Variants in VTI1A observed in about 807,000 individuals in gnomAD.
The protein encoded by VTI1A is vesicle transport through interaction with t-SNAREs homolog 1A.
VTI1A carries 22 observed loss-of-function variants against 34.9 expected under a neutral mutation model. The ratio of observed to expected loss-of-function variants is 0.63; its 90% CI spans 0.45 to 0.90. VTI1A has a LOEUF of 0.90. Among genes scored for constraint, VTI1A ranks in the 40% least tolerant of loss-of-function variants. The pLI, the probability that VTI1A is intolerant of heterozygous loss-of-function variation, is 0.00. For missense variants in VTI1A, 268 were observed against 275.6 expected (o/e 0.97, Z 0.20); for synonymous variants, 87 against 97.3 (o/e 0.89, Z 0.62).
intron 5 of VTI1A, among the ~76,000 whole-genome samples, chr10:112,540,125 T>C (rs58575880): frequency 0.17 from 26,423 of 152,090 alleles, 3,208 homozygotes; most frequent in African/African-American, 0.34. Flanking sequence ...TACATACTTG[T>C]GTGTCTTTTT....
intron 3 of VTI1A, among the ~76,000 whole-genome samples, chr10:112,472,198 C>T (rs540543778): frequency 8.5e-5 from 13 of 152,258 alleles, no homozygotes; most frequent in Middle Eastern, 3.4e-3. Context: ...CTTTCTAGCC[C>T]CAGTCTCAAG....
At chr10:112,724,665 C>T (rs1849940426) in intron 7 of VTI1A, among the ~76,000 whole-genome samples, 2 of 151,876 alleles carry the variant, frequency 1.3e-5, no homozygotes, top group Non-Finnish European at 2.9e-5. Flanking sequence ...GACCCCAGAG[C>T]TGGGGCAAGT....
the VTI1A span, among the ~76,000 whole-genome samples, chr10:112,850,476 C>T: frequency 1.3e-5 from 2 of 152,062 alleles, no homozygotes; most frequent in African/African-American, 4.8e-5. Context: ...CCACCTGACA[C>T]CCCATTCACT....
intron 7 of VTI1A, among the ~76,000 whole-genome samples, chr10:112,680,135 A>G (rs1848165774): frequency 6.6e-6 from 1 of 152,214 alleles, no homozygotes; most frequent in African/African-American, 2.4e-5. Flanking sequence ...ATTGACCTAC[A>G]AGGAACACTT....
At chr10:112,549,875 GA>G (rs1851282131) in intron 5 of VTI1A, among the ~76,000 whole-genome samples, 1 of 152,122 alleles carries the variant, frequency 6.6e-6, no homozygotes, top group South Asian at 2.1e-4. Context: ...ATTCTTTTCT[GA>G]AAAGAATTGA....
At chr10:112,686,154 G>T (rs1424845227) in intron 7 of VTI1A, among the ~76,000 whole-genome samples, 2 of 152,184 alleles carry the variant, frequency 1.3e-5, no homozygotes, top group Non-Finnish European at 2.9e-5. Context: ...TTATAAGAGA[G>T]ATTGCATCTT....
chr10:112,702,001 G>A (rs1376628335), intron 7 of VTI1A, among the ~76,000 whole-genome samples: 2 of 152,116 alleles, frequency 1.3e-5, no homozygotes, highest in Non-Finnish European at 2.9e-5. Flanking sequence ...CTGTGTGAGA[G>A]TTTTCATTTC....
chr10:112,627,427 C>A (rs763187020), intron 5 of VTI1A, among the ~76,000 whole-genome samples: 4 of 152,054 alleles, frequency 2.6e-5, no homozygotes, highest in African/African-American at 4.8e-5. Flanking sequence ...TTTATCATAC[C>A]TTAATTCATC....
At chr10:112,706,330 T>G (rs1298864146) in intron 7 of VTI1A, among the ~76,000 whole-genome samples, 1 of 152,228 alleles carries the variant, frequency 6.6e-6, no homozygotes, top group Non-Finnish European at 1.5e-5. Context: ...GTTTAATTAC[T>G]CTTCAGCTAC....
At chr10:112,756,776 A>G (rs1851295632) in intron 7 of VTI1A, among the ~76,000 whole-genome samples, 1 of 152,158 alleles carries the variant, frequency 6.6e-6, no homozygotes, top group African/African-American at 2.4e-5. Context: ...GGCTGGGCAC[A>G]GTGGCTCACA....
At position 112,552,407 on chromosome 10, in the gene VTI1A, A is replaced by G. The variant is rs181502624; in HGVS notation, c.427+14077A>G. On this transcript the variant is annotated intron_variant, in intron 5 of 7. Transcript: ENST00000393077. ...AATACTCTGTGCAGATCTGTTGATGATTAGGACCTGTTCATTTGAAACCAA... is the reference window on the plus strand; with the variant it reads ...AATACTCTGTGCAGATCTGTTGATGGTTAGGACCTGTTCATTTGAAACCAA... Among the ~76,000 whole-genome samples, 3 of 152,230 alleles carry G rather than the reference A, an allele frequency of 2.0e-5. No homozygotes were observed. The East Asian group carries it at 5.8e-4, about 29-fold the overall frequency.
intron 3 of VTI1A, among the ~76,000 whole-genome samples, chr10:112,484,029 C>T (rs1473538447): frequency 6.6e-6 from 1 of 152,202 alleles, no homozygotes; most frequent in Admixed American, 6.5e-5. Context: ...ATTCTCTGCT[C>T]ATCTAATGTG....
intron 7 of VTI1A, among the ~76,000 whole-genome samples, chr10:112,697,490 A>G (rs547580314): frequency 6.8e-6 from 1 of 146,624 alleles, no homozygotes; most frequent in South Asian, 2.2e-4. Context: ...TCTGCCTCCC[A>G]GGTTCAAGCA....
intron 3 of VTI1A, among the ~76,000 whole-genome samples, chr10:112,513,640 T>C (rs960298102): frequency 2.6e-5 from 4 of 152,030 alleles, no homozygotes; most frequent in Non-Finnish European, 4.4e-5. Flanking sequence ...GCATTTAACA[T>C]TTCACCATGG....
At chr10:112,809,230 CT>C (rs1469933118) in intron 7 of VTI1A, among the ~76,000 whole-genome samples, 10 of 152,226 alleles carry the variant, frequency 6.6e-5, no homozygotes, top group African/African-American at 2.4e-4. Context: ...GAAAATAACC[CT>C]TCCAATTAAA....
Position 112,796,464 on chromosome 10 carries a change from G to A in VTI1A, c.561-18826G>A, listed in dbSNP as rs147414370. ...TGCAAGGGGTGTGAGAAGGTCTCAA[G>A]AACCTAAGGCATCCAAGTGAACTGA... On this transcript the variant is annotated intron_variant, in intron 7 of 7. Coordinates refer to ENST00000393077, the MANE Select transcript of VTI1A (RefSeq NM_145206.4). Among the ~76,000 whole-genome samples the A allele has an allele frequency of 5.2e-4, 78 of 150,848 alleles. 1 individual carries two copies. In the South Asian group the frequency reaches 7.1e-3, roughly 14 times the overall value.
chr10:112,770,738 G>C (rs538050674), intron 7 of VTI1A, among the ~76,000 whole-genome samples: 1 of 151,890 alleles, frequency 6.6e-6, no homozygotes, highest in African/African-American at 2.4e-5. Flanking sequence ...AATTAATTCC[G>C]TAGTTAAATC....
intron 4 of VTI1A, among the ~76,000 whole-genome samples, chr10:112,531,108 CGCACGT>C (rs1446178226): frequency 4.3e-5 from 6 of 138,636 alleles, no homozygotes; most frequent in African/African-American, 1.7e-4. Flanking sequence ...CACACACGTG[CGCACGT>C]GCGCGCGCGC....
Position 112,816,392 on chromosome 10 carries a change from C to A in VTI1A, c.*1009C>A. The A allele has an allele frequency of 4.5e-6, 1 of 223,198 alleles. No homozygotes were observed. Among genetic ancestry groups the A allele is most frequent in the East Asian group, 6.5e-5 (1 of 15,340 alleles). 13.8% of individuals were successfully genotyped at this position (223,198 alleles called of 1,614,324 possible). A position where few individuals can be genotyped will look rare whatever the true frequency, so the allele number is the denominator to read the frequency against. ...GAGGGTCCACCAGAGATAAACTTCA[C>A]GGAAAACGTTCCCTAACCTCCTTTA... On this transcript the variant is annotated 3_prime_UTR_variant, in exon 8 of 8. Coordinates refer to ENST00000393077, the MANE Select transcript of VTI1A (RefSeq NM_145206.4).
Sources: allele counts gnomAD v4.1 joint callset (sites outside exome capture counted in the v4.1 genomes callset), GRCh38; gene constraint gnomAD v4.1.1; transcripts MANE v1.5; gene names NCBI Gene and HGNC (gene_info 2026-07-23, HGNC 2026-07-21).